Variants in MCM8 observed in about 807,000 individuals in gnomAD.
MCM8 encodes minichromosome maintenance 8 homologous recombination repair factor.
A neutral mutation model predicts 98.9 loss-of-function variants in MCM8; 85 were observed. That is an observed-to-expected ratio of 0.86 (90% CI 0.72 to 1.03). MCM8 has a LOEUF of 1.03. MCM8 is among the 50% of genes least tolerant of loss of function. The pLI is 0.00. For missense variants in MCM8, 951 were observed against 997.8 expected, an observed-to-expected ratio of 0.95 and a Z score of 0.63; for synonymous variants, 352 against 338.6, an observed-to-expected ratio of 1.04 and a Z score of -0.44.
chr20:5,987,156 G>A, intron 16 of MCM8, 126 bp from the exon 17 acceptor site: 2 of 846,392 alleles, frequency 2.4e-6, no homozygotes, highest in Non-Finnish European at 3.7e-6. Context: ...TTTGACTTTT[G>A]ATGTTATAAC....
chr20:5,985,524 G>C (rs972248344), intron 15 of MCM8, among the ~76,000 whole-genome samples: 1 of 151,190 alleles, frequency 6.6e-6, no homozygotes, highest in African/African-American at 2.4e-5. Flanking sequence ...GAGTCTTTTA[G>C]AATTGTATAT....
At chr20:5,967,348 T>A in intron 8 of MCM8, 88 bp from the exon 9 acceptor site, 1 of 1,177,460 alleles carries the variant, frequency 8.5e-7, no homozygotes, top group Non-Finnish European at 1.2e-6. Flanking sequence ...TTTATCTTCC[T>A]CAGCATCATG....
intron 17 of MCM8, 65 bp from the exon 18 acceptor site, chr20:5,993,441 A>G (rs533600657): frequency 1.5e-6 from 2 of 1,319,202 alleles, no homozygotes; most frequent in East Asian, 2.4e-5. Context: ...GTAACCTGAA[A>G]GCCCAGGACA....
At chr20:5,957,335 A>T in intron 6 of MCM8, 106 bp downstream of exon 6, 1 of 708,624 alleles carries the variant, frequency 1.4e-6, no homozygotes, top group South Asian at 2.0e-5. Context: ...TAAAAAGGAC[A>T]TGAGTTCCTT....
In MCM8 at chr20:5,963,338, C is replaced by CT; in HGVS notation, c.854_855insT (p.Met286AspfsTer14). The CT allele has an allele frequency of 6.2e-7, 1 of 1,613,830 alleles. No homozygotes were observed. Among genetic ancestry groups the CT allele is most frequent in the South Asian group, 1.1e-5 (1 of 91,070 alleles). Reference sequence around the variant, plus strand: ...CTCCGCAGCTCTCCTCTCACAGTTACGATGGACTGGCAGTCAATCAAGTAA... The same window carrying CT: ...CTCCGCAGCTCTCCTCTCACAGTTACTGATGGACTGGCAGTCAATCAAGTAA... On this transcript the variant is annotated frameshift_variant, in exon 8 of 19. Transcript: ENST00000610722. LOFTEE classifies it high-confidence loss of function.
chr20:5,951,630 C>G (rs931654670), intron 1 of MCM8, among the ~76,000 whole-genome samples: 1 of 152,202 alleles, frequency 6.6e-6, no homozygotes, highest in African/African-American at 2.4e-5. Flanking sequence ...TATGTTCATC[C>G]TGTCCTGCCC....
rs2089984513 is a variant in MCM8 at position 5,998,422 on chromosome 20, G to A, written c.*4031G>A. 1 of 152,282 alleles carries A rather than the reference G, an allele frequency of 6.6e-6. No individual in the cohort carries two copies. Among genetic ancestry groups the A allele is most frequent in the South Asian group, 2.1e-4 (1 of 4,838 alleles). 9.4% of individuals were successfully genotyped at this position (152,282 alleles called of 1,614,324 possible). A position where few individuals can be genotyped will look rare whatever the true frequency, so the allele number is the denominator to read the frequency against. On this transcript the variant is annotated 3_prime_UTR_variant, in exon 19 of 19. Coordinates refer to ENST00000610722, the MANE Select transcript of MCM8 (RefSeq NM_032485.6). ...TCTTGCTTGTGTTCTGGTGGCATGT[G>A]TGGTTGAGGAGACATTTAATTTCCC...
rs1287489988 is a variant in MCM8 at position 5,998,722 on chromosome 20, CTG to C, written c.*4333_*4334del. On this transcript the variant is annotated 3_prime_UTR_variant, in exon 19 of 19. Transcript: ENST00000610722. ...TTCCTGCAACTAATCACTCATACAT[CTG>C]TATCTAAAGCACTCCACCTGGGTCA... is the stretch of plus-strand genomic sequence containing the variant. 1.3e-5 allele frequency: 2 copies of C among 152,192 alleles called. No individual in the cohort carries two copies. Among genetic ancestry groups the C allele is most frequent in the Non-Finnish European group, 2.9e-5 (2 of 68,038 alleles). The allele number at this position is 152,192 out of a possible 1,614,324, so 9.4% of individuals were successfully genotyped here.
At chr20:5,977,251 T>C (rs1228057453) in intron 12 of MCM8, among the ~76,000 whole-genome samples, 2 of 152,236 alleles carry the variant, frequency 1.3e-5, no homozygotes, top group African/African-American at 4.8e-5. Context: ...AGGTACCAAA[T>C]TAAATGCCTT....
chr20:5,967,489 C>T lies in MCM8; in HGVS notation c.929C>T (p.Thr310Ile). The part of the protein sequence containing the change: ...DQREAGRIPR[T>I]IECELVHDLV... ...AGAGAAGCAGGTCGGATTCCACGAACAATAGAATGTGAGCTTGTTCATGAT... is the reference window on the plus strand; with the variant it reads ...AGAGAAGCAGGTCGGATTCCACGAATAATAGAATGTGAGCTTGTTCATGAT... The change falls in exon 9 of 19, where the codon ACA (threonine) becomes ATA (isoleucine). Residue 310 changes from threonine to isoleucine, a missense_variant. Coordinates refer to ENST00000610722, the MANE Select transcript of MCM8 (RefSeq NM_032485.6). The T allele has an allele frequency of 6.2e-7, 1 of 1,613,992 alleles. No homozygotes were observed. The highest frequency in any genetic ancestry group is 1.1e-5 in the South Asian group (1 of 91,064).
intron 7 of MCM8, among the ~76,000 whole-genome samples, chr20:5,961,101 C>T (rs1166948270): frequency 6.6e-6 from 1 of 152,156 alleles, no homozygotes; most frequent in African/African-American, 2.4e-5. Flanking sequence ...TTAAGCTGGG[C>T]ATGGTGGCAT....
Position 5,986,083 on chromosome 20 carries a change from C to G in MCM8, c.2115C>G (p.Ser705Arg). 1 of 1,614,184 alleles carries G rather than the reference C, an allele frequency of 6.2e-7. No homozygotes were observed. Among genetic ancestry groups the G allele is most frequent in the Non-Finnish European group, 8.5e-7 (1 of 1,180,036 alleles). The change falls in exon 16 of 19, where the codon AGC (serine) becomes AGG (arginine). Residue 705 changes from serine (S) to arginine (R), a missense_variant. Physicochemically the swap from Ser to Arg is moderately radical, Grantham distance 110 (BLOSUM62 -1). Transcript: ENST00000610722. ...ELRKQSQRLN[S>R]SPITTRQLES... is the part of the protein sequence containing the mutation. ...GGAAACAGAGCCAGAGGTTAAATAGCTCACCAATCACTACCAGGCAGCTGG... is the reference window on the plus strand; with the variant it reads ...GGAAACAGAGCCAGAGGTTAAATAGGTCACCAATCACTACCAGGCAGCTGG...
chr20:5,953,952 C>T (rs1313191153), intron 3 of MCM8, among the ~76,000 whole-genome samples: 1 of 151,820 alleles, frequency 6.6e-6, no homozygotes, highest in Non-Finnish European at 1.5e-5. Context: ...TCTTTTGTTC[C>T]TTTAGGATGT....
chr20:5,994,478 GACACACACACACACACACACACAC>G lies in MCM8; in HGVS notation c.*109_*132del, dbSNP rs11472210. The G allele has an allele frequency of 1.0e-5, 4 of 382,884 alleles. No individual in the cohort carries two copies. The highest frequency in any genetic ancestry group is 4.7e-5 in the African/African-American group (2 of 42,768). The allele number at this position is 382,884 out of a possible 1,614,324, so 23.7% of individuals were successfully genotyped here. ...ATATGCGTGCACGCACAGACAGACAGACACACACACACACACACACACACACACACACACACACACACACAGTCA... is the reference window on the plus strand; with the variant it reads ...ATATGCGTGCACGCACAGACAGACAGACACACACACACACACACACAGTCA... On this transcript the variant is annotated 3_prime_UTR_variant, in exon 19 of 19. Coordinates refer to ENST00000610722, the MANE Select transcript of MCM8 (RefSeq NM_032485.6).
At chr20:5,979,366 C>T (rs2089583864) in intron 13 of MCM8, among the ~76,000 whole-genome samples, 1 of 152,114 alleles carries the variant, frequency 6.6e-6, no homozygotes, top group Non-Finnish European at 1.5e-5. Flanking sequence ...GTTTCATTGG[C>T]TTTACCTACC....
chr20:5,985,147 C>A (rs2089705201), intron 15 of MCM8, 147 bp downstream of exon 15: 7 of 680,078 alleles, frequency 1.0e-5, no homozygotes, highest in Non-Finnish European at 1.7e-5. Flanking sequence ...TAAACTTCAT[C>A]TGAAATAATC....
chr20:5,988,264 C>T (rs1163590378), intron 17 of MCM8, among the ~76,000 whole-genome samples: 1 of 152,026 alleles, frequency 6.6e-6, no homozygotes, highest in African/African-American at 2.4e-5. Flanking sequence ...AGTTCGAGAC[C>T]AGTCTGGGCA....
chr20:5,982,711 C>T (rs146997229), intron 13 of MCM8, among the ~76,000 whole-genome samples: 24 of 152,290 alleles, frequency 1.6e-4, no homozygotes, highest in African/African-American at 5.1e-4. Flanking sequence ...ACCTCCTCTT[C>T]GTTTTTGTAA....
chr20:5,955,348 A>C, intron 5 of MCM8, 97 bp downstream of exon 5: 1 of 1,176,336 alleles, frequency 8.5e-7, no homozygotes, highest in Non-Finnish European at 1.2e-6. Context: ...TTTTACAGTG[A>C]CTGTACTTTC....
Sources: allele counts gnomAD v4.1 joint callset (sites outside exome capture counted in the v4.1 genomes callset), GRCh38; gene constraint gnomAD v4.1.1; transcripts MANE v1.5; gene names NCBI Gene and HGNC (gene_info 2026-07-23, HGNC 2026-07-21).